The following PTPRD variants were observed in gnomAD, a reference collection of about 807,000 sequenced individuals.
The protein encoded by PTPRD is receptor-type tyrosine-protein phosphatase delta.
In PTPRD, 34 loss-of-function variants were observed where a neutral mutation model predicts 214.5. That is an observed-to-expected ratio of 0.16 (90% CI 0.12 to 0.21). The LOEUF is 0.21. Among genes scored for constraint, PTPRD ranks in the 10% least tolerant of loss-of-function variants. The probability of loss-of-function intolerance (pLI) is 1.00; values close to 1 mark genes in which losing one functional copy is unlikely to be tolerated. For synonymous variants in PTPRD, 1,128 were observed against 845.7 expected, an observed-to-expected ratio of 1.33 and a Z score of -5.79; for missense variants, 2,545 against 2,398.7, an observed-to-expected ratio of 1.06 and a Z score of -1.27.
chr9:8,482,904 A>G (rs1262659145), intron 30 of PTPRD, among the ~76,000 whole-genome samples: 1 of 152,184 alleles, frequency 6.6e-6, no homozygotes, highest in Non-Finnish European at 1.5e-5. Flanking sequence ...CTTAAGATTT[A>G]AGTTCAGAAA....
chr9:8,444,023 A>G (rs2095637490), intron 34 of PTPRD, among the ~76,000 whole-genome samples: 1 of 152,144 alleles, frequency 6.6e-6, no homozygotes, highest in African/African-American at 2.4e-5. Context: ...TTTTTACAGT[A>G]TTTTGAAAAG....
chr9:10,278,143 G>C (rs551212428), intron 3 of PTPRD, among the ~76,000 whole-genome samples: 104 of 141,120 alleles, frequency 7.4e-4, no homozygotes, highest in Non-Finnish European at 1.2e-3. Context: ...GCGACAGAGC[G>C]AGACTCTGTC....
chr9:10,309,663 C>T (rs964240422), intron 3 of PTPRD, among the ~76,000 whole-genome samples: 4 of 151,890 alleles, frequency 2.6e-5, no homozygotes, highest in South Asian at 2.1e-4. Context: ...CCACACCTGG[C>T]GCCAACTAAT....
chr9:10,463,325 T>A (rs1242251436), intron 2 of PTPRD, among the ~76,000 whole-genome samples: 2 of 152,108 alleles, frequency 1.3e-5, no homozygotes, highest in Admixed American at 1.3e-4. Context: ...ATGTATCTGC[T>A]TACCAGAAGT....
At chr9:9,042,605 C>CTTTT in intron 10 of PTPRD, among the ~76,000 whole-genome samples, 1 of 81,258 alleles carries the variant, frequency 1.2e-5, no homozygotes, top group African/African-American at 3.9e-5. Flanking sequence ...AGCATTTTTT[C>CTTTT]TTTTTTTTCT....
At chr9:9,149,524 A>G (rs963611330) in intron 10 of PTPRD, among the ~76,000 whole-genome samples, 1 of 152,200 alleles carries the variant, frequency 6.6e-6, no homozygotes, top group Non-Finnish European at 1.5e-5. Flanking sequence ...CAACGCATGC[A>G]TGGTGACTCC....
rs79704935 is a variant in PTPRD at position 10,014,270 on chromosome 9, G to A, written c.-472+19448C>T. Among the ~76,000 whole-genome samples, 273 of 152,068 alleles carry A rather than the reference G, an allele frequency of 1.8e-3. 6 individuals carry two copies. The East Asian group carries it at 0.042, about 23-fold the overall frequency. ...AGATGAGGAAACTAAGACTCAGTGA[G>A]GCTAAGTAATTTGAGCTGCAATTCC... is the stretch of plus-strand genomic sequence containing the variant. On this transcript the variant is annotated intron_variant, in intron 4 of 45. Transcript: ENST00000381196.
At chr9:9,309,281 T>C (rs1326821328) in intron 9 of PTPRD, among the ~76,000 whole-genome samples, 1 of 151,778 alleles carries the variant, frequency 6.6e-6, no homozygotes, top group African/African-American at 2.4e-5. Context: ...TACTCCAGTT[T>C]CCTAAAAGGT....
chr9:8,421,245 A>G (rs1473846794), intron 35 of PTPRD, among the ~76,000 whole-genome samples: 1 of 152,132 alleles, frequency 6.6e-6, no homozygotes, highest in Non-Finnish European at 1.5e-5. Flanking sequence ...AGATGCAGAG[A>G]AAACCAACCT....
Position 9,041,642 on chromosome 9 carries a change from G to T in PTPRD, c.-142-22907C>A, listed in dbSNP as rs142995429. ...ACAGAACTATACCCTGAGGAGGCGTGAACTCAAATGAGTAAATACATTCAC... is the reference window on the plus strand; with the variant it reads ...ACAGAACTATACCCTGAGGAGGCGTTAACTCAAATGAGTAAATACATTCAC... On this transcript the variant is annotated intron_variant, in intron 10 of 45. Transcript: ENST00000381196. Among the ~76,000 whole-genome samples the T allele has an allele frequency of 3.2e-4, 49 of 152,242 alleles. No homozygotes were observed. In the East Asian group the frequency reaches 6.6e-3, roughly 20 times the overall value.
chr9:9,915,715 A>C (rs967210312), intron 5 of PTPRD, among the ~76,000 whole-genome samples: 8 of 152,108 alleles, frequency 5.3e-5, no homozygotes, highest in African/African-American at 1.9e-4. Flanking sequence ...AGAATGATGA[A>C]GAAAGCCTAC....
intron 11 of PTPRD, among the ~76,000 whole-genome samples, chr9:8,951,161 G>GTGTGTGTGTGTGTGTGTA (rs1356654833): frequency 1.3e-5 from 2 of 150,238 alleles, no homozygotes; most frequent in Non-Finnish European, 3.0e-5. Flanking sequence ...GTGTGTGTAA[G>GTGTGTGTGTGTGTGTGTA]AGAGAGAGAG....
chr9:8,447,612 C>T (rs2095785760), intron 34 of PTPRD, among the ~76,000 whole-genome samples: 1 of 152,176 alleles, frequency 6.6e-6, no homozygotes, highest in African/African-American at 2.4e-5. Flanking sequence ...ACCTCTTAAT[C>T]ATTCTCTCTA....
chr9:10,191,193 G>A (rs1179833777), intron 3 of PTPRD, among the ~76,000 whole-genome samples: 1 of 151,962 alleles, frequency 6.6e-6, no homozygotes, highest in African/African-American at 2.4e-5. Context: ...TTACTCATTT[G>A]GAGAATTAAC....
chr9:8,351,824 T>C (rs1392333693), intron 39 of PTPRD, among the ~76,000 whole-genome samples: 2 of 145,824 alleles, frequency 1.4e-5, no homozygotes, highest in East Asian at 2.0e-4. Flanking sequence ...AAAGGTAAAA[T>C]GTAGTACACT....
chr9:8,928,926 C>T (rs1387635909), intron 11 of PTPRD, among the ~76,000 whole-genome samples: 1 of 152,060 alleles, frequency 6.6e-6, no homozygotes, highest in African/African-American at 2.4e-5. Flanking sequence ...AAGTTGTATT[C>T]CTAGGTATTT....
chr9:8,410,528 A>G (rs1310251682), intron 35 of PTPRD, among the ~76,000 whole-genome samples: 1 of 152,210 alleles, frequency 6.6e-6, no homozygotes, highest in Non-Finnish European at 1.5e-5. Context: ...CCTCTGATCC[A>G]GGCCAACATT....
intron 9 of PTPRD, among the ~76,000 whole-genome samples, chr9:9,288,376 A>T (rs957215327): frequency 1.1e-4 from 16 of 151,878 alleles, no homozygotes; most frequent in African/African-American, 3.4e-4. Context: ...GTCTATTTTC[A>T]TACTTTGTTA....
intron 12 of PTPRD, among the ~76,000 whole-genome samples, chr9:8,725,062 T>C (rs886362114): frequency 6.6e-6 from 1 of 152,220 alleles, no homozygotes; most frequent in African/African-American, 2.4e-5. Flanking sequence ...TAATGTACTG[T>C]CATTATGTAA....
Sources: allele counts gnomAD v4.1 joint callset (sites outside exome capture counted in the v4.1 genomes callset), GRCh38; gene constraint gnomAD v4.1.1; transcripts MANE v1.5; gene names NCBI Gene and HGNC (gene_info 2026-07-23, HGNC 2026-07-21).